Variants in HERC3 observed in about 807,000 individuals in gnomAD.
HERC3 encodes the protein HECT and RLD domain containing E3 ubiquitin protein ligase 3, also known as probable E3 ubiquitin-protein ligase HERC3.
Under a neutral mutation model 129.9 loss-of-function variants are expected in HERC3, and 58 were observed. The observed-to-expected ratio is 0.45, with a 90% CI of 0.36 to 0.56. HERC3 has a LOEUF of 0.56. Ranked by LOEUF, HERC3 falls within the 20% of genes least tolerant of loss-of-function variation. The pLI is 0.00. For missense variants in HERC3, 835 were observed against 1,244.2 expected, an observed-to-expected ratio of 0.67 and a Z score of 4.95; for synonymous variants, 430 against 451.0, an observed-to-expected ratio of 0.95 and a Z score of 0.59.
chr4:88,546,940 T>C, the HERC3 span, among the ~76,000 whole-genome samples: 1 of 152,198 alleles, frequency 6.6e-6, no homozygotes, highest in African/African-American at 2.4e-5. Context: ...CCATGTGACA[T>C]AGTTCCTAGG....
chr4:88,533,399 C>T, the HERC3 span, among the ~76,000 whole-genome samples: 4 of 152,102 alleles, frequency 2.6e-5, no homozygotes, highest in African/African-American at 7.2e-5. Flanking sequence ...TCCTTCAATC[C>T]AATCAAGTTG....
intron 3 of HERC3, 82 bp from the exon 4 acceptor site, chr4:88,649,758 C>A: frequency 1.7e-6 from 2 of 1,182,942 alleles, no homozygotes; most frequent in South Asian, 1.4e-5. Flanking sequence ...ATAAAACTGC[C>A]CAGGAAGATA....
In HERC3 at chr4:88,652,979, C is replaced by T. The variant is rs1035882784; in HGVS notation, c.574C>T (p.Leu192=). 7 of 1,614,106 alleles carry T rather than the reference C, an allele frequency of 4.3e-6. No individual in the cohort carries two copies. The Admixed American group carries it at 1.2e-4, about 27-fold the overall frequency. The change falls in exon 6 of 26, where the codon CTG becomes TTG. Residue 192 remains leucine, a synonymous_variant. Transcript: ENST00000402738. ...GGTGAGGTCCCTGGAGGGGATCCCACTGGCTCAGGTGGCTGCCGGAGGGGC... is the reference window on the plus strand; with the variant it reads ...GGTGAGGTCCCTGGAGGGGATCCCATTGGCTCAGGTGGCTGCCGGAGGGGC... ...QRVRSLEGIP[L]AQVAAGGAHS... is the part of the protein sequence containing the mutation.
chr4:88,667,462 T>A lies in HERC3; in HGVS notation c.1417T>A (p.Ser473Thr), dbSNP rs769562710. ...TRVLFEKLMNSQHSMILEQIL... is the reference protein window; with the variant it reads ...TRVLFEKLMNTQHSMILEQIL... Reference sequence around the variant, plus strand: ...GGTGTTATTTGAGAAGTTAATGAACTCTCAGCACTCCATGATTCTAGAACA... The same window carrying A: ...GGTGTTATTTGAGAAGTTAATGAACACTCAGCACTCCATGATTCTAGAACA... The change falls in exon 13 of 26, where the codon TCT becomes ACT. Residue 473 changes from serine (S) to threonine (T), a missense_variant. Ser to Thr is a moderately conservative substitution (Grantham distance 58). Coordinates refer to ENST00000402738, the MANE Select transcript of HERC3 (RefSeq NM_014606.3). The A allele has an allele frequency of 6.2e-7, 1 of 1,600,882 alleles. No individual in the cohort carries two copies. The highest frequency in any genetic ancestry group is 8.5e-7 in the Non-Finnish European group (1 of 1,170,334).
intron 2 of HERC3, among the ~76,000 whole-genome samples, chr4:88,604,556 CT>C (rs977401115): frequency 6.6e-6 from 1 of 152,172 alleles, no homozygotes; most frequent in African/African-American, 2.4e-5. Flanking sequence ...AATTTGTGGA[CT>C]TTTGTGACTG....
At chr4:88,664,082 T>C in intron 11 of HERC3, 71 bp from the exon 12 acceptor site, 5 of 1,320,762 alleles carry the variant, frequency 3.8e-6, no homozygotes, top group South Asian at 2.6e-5. Context: ...GGTTACTTTA[T>C]TATTGATGCT....
chr4:88,531,288 C>G, the HERC3 span, among the ~76,000 whole-genome samples: 1,205 of 152,090 alleles, frequency 7.9e-3, 17 homozygotes, highest in African/African-American at 0.027. Flanking sequence ...TGTCCTCCCC[C>G]CTCAGCCTCC....
At chr4:88,583,548 G>T in the HERC3 span, 1 of 151,970 alleles carries the variant, frequency 6.6e-6, no homozygotes, top group African/African-American at 2.4e-5. Flanking sequence ...AAAATATAAA[G>T]GCTTGTCTTT....
chr4:88,631,113 G>T (rs974922933), intron 3 of HERC3, among the ~76,000 whole-genome samples: 6 of 152,182 alleles, frequency 3.9e-5, no homozygotes, highest in African/African-American at 1.4e-4. Flanking sequence ...TTAGAGTTTT[G>T]TGTGTATACA....
chr4:88,528,290 T>G, the HERC3 span: 2 of 152,864 alleles, frequency 1.3e-5, no homozygotes, highest in African/African-American at 2.4e-5. Context: ...ACCCTTTGCT[T>G]TTTGGGTCGC....
intron 23 of HERC3, chr4:88,697,757 T>A: frequency 3.1e-6 from 5 of 1,603,850 alleles, no homozygotes; most frequent in Non-Finnish European, 4.3e-6. Flanking sequence ...TCGGCCATGT[T>A]AGAGGAGAAG....
chr4:88,628,830 T>C (rs1726427423), intron 3 of HERC3, among the ~76,000 whole-genome samples: 2 of 152,098 alleles, frequency 1.3e-5, no homozygotes, highest in Non-Finnish European at 1.5e-5. Flanking sequence ...GTCTGAATAG[T>C]TGAAAAAATT....
chr4:88,577,402 A>G, the HERC3 span, among the ~76,000 whole-genome samples: 1 of 152,068 alleles, frequency 6.6e-6, no homozygotes, highest in Admixed American at 6.5e-5. Context: ...TCAGGGACTT[A>G]GCTATTTCTG....
At chr4:88,624,487 T>C (rs1205941366) in intron 3 of HERC3, among the ~76,000 whole-genome samples, 3 of 152,210 alleles carry the variant, frequency 2.0e-5, no homozygotes, top group African/African-American at 7.2e-5. Flanking sequence ...TTGAACAGCT[T>C]TTCTTGTGCT....
intron 3 of HERC3, among the ~76,000 whole-genome samples, chr4:88,641,896 A>G (rs1441926372): frequency 6.6e-6 from 1 of 152,024 alleles, no homozygotes; most frequent in African/African-American, 2.4e-5. Context: ...GGTGGGCAGG[A>G]CACTTGAGAC....
At chr4:88,605,741 T>A in intron 2 of HERC3, 54 bp from the exon 3 acceptor site, 8 of 1,040,614 alleles carry the variant, frequency 7.7e-6, no homozygotes, top group Non-Finnish European at 9.9e-6. Context: ...TACTTGATTT[T>A]CTATGACCTA....
At chr4:88,688,610 C>T (rs1733728871) in intron 23 of HERC3, among the ~76,000 whole-genome samples, 1 of 152,090 alleles carries the variant, frequency 6.6e-6, no homozygotes, top group Non-Finnish European at 1.5e-5. Flanking sequence ...AAAGCAGGTT[C>T]AAGGGAAAGT....
At position 88,655,116 on chromosome 4, in the gene HERC3, G is replaced by A. The variant is rs1006876047; in HGVS notation, c.778-58G>A. The A allele has an allele frequency of 3.8e-6, 6 of 1,593,066 alleles. No homozygotes were observed. In the African/African-American group the frequency reaches 8.1e-5, roughly 21 times the overall value. ...TTGTGATAGGCATTTTGTATACAGG[G>A]TTTAGAGGTATACCCTTAAAGATAC... On this transcript the variant is annotated intron_variant, in intron 7 of 25. Coordinates refer to ENST00000402738, the MANE Select transcript of HERC3 (RefSeq NM_014606.3).
At chr4:88,626,825 TA>T (rs1578194600) in intron 3 of HERC3, among the ~76,000 whole-genome samples, 1 of 152,108 alleles carries the variant, frequency 6.6e-6, no homozygotes, top group East Asian at 1.9e-4. Flanking sequence ...TAAATTTTAT[TA>T]ATCTTTTTAA....
Sources: allele counts gnomAD v4.1 joint callset (sites outside exome capture counted in the v4.1 genomes callset), GRCh38; gene constraint gnomAD v4.1.1; transcripts MANE v1.5; gene names NCBI Gene and HGNC (gene_info 2026-07-23, HGNC 2026-07-21).